Variants in ROBO2 observed in about 807,000 individuals in gnomAD.
ROBO2 encodes roundabout guidance receptor 2, also known as roundabout homolog 2.
A neutral mutation model predicts 160.8 loss-of-function variants in ROBO2; 53 were observed. That is an observed-to-expected ratio of 0.33 (90% confidence interval 0.26 to 0.41). The LOEUF is 0.41. ROBO2 is among the 10% of genes least tolerant of loss of function. The pLI is 1.00. For missense variants in ROBO2, 1,577 were observed against 1,722.4 expected (o/e 0.92, Z 1.49); for synonymous variants, 664 against 611.7 (o/e 1.09, Z -1.26).
chr3:77,213,521 A>T (rs539724217), intron 2 of ROBO2, among the ~76,000 whole-genome samples: 1 of 152,208 alleles, frequency 6.6e-6, no homozygotes, highest in African/African-American at 2.4e-5. Context: ...GATTATTTCA[A>T]AAAACCAACT....
chr3:77,314,442 TTTGTC>T (rs1157876448), intron 2 of ROBO2, among the ~76,000 whole-genome samples: 1 of 152,218 alleles, frequency 6.6e-6, no homozygotes, highest in Non-Finnish European at 1.5e-5. Flanking sequence ...TTTAAGGTGT[TTTGTC>T]TTAAGTCAAA....
intron 2 of ROBO2, among the ~76,000 whole-genome samples, chr3:76,592,099 T>TA (rs757120903): frequency 2.1e-4 from 32 of 151,044 alleles, no homozygotes; most frequent in Non-Finnish European, 3.4e-4. Flanking sequence ...AAATTTCTGT[T>TA]AAAAAAAAAG....
intron 13 of ROBO2, among the ~76,000 whole-genome samples, chr3:77,568,901 G>A (rs1006448833): frequency 7.9e-5 from 12 of 151,890 alleles, no homozygotes; most frequent in African/African-American, 2.9e-4. Flanking sequence ...GAGTACAATT[G>A]TGCAATATGT....
At chr3:77,477,721 T>C (rs910567941) in intron 3 of ROBO2, 150 bp downstream of exon 3, 4 of 851,768 alleles carry the variant, frequency 4.7e-6, no homozygotes, top group Non-Finnish European at 7.4e-6. Context: ...TAAAAACATT[T>C]GGATGAGACT....
At chr3:77,360,741 T>A (rs2069846863) in intron 2 of ROBO2, among the ~76,000 whole-genome samples, 1 of 152,078 alleles carries the variant, frequency 6.6e-6, no homozygotes, top group African/African-American at 2.4e-5. Context: ...ATTCCTCTCC[T>A]CTCTGACTTT....
chr3:77,370,327 A>C (rs981936565), intron 2 of ROBO2, among the ~76,000 whole-genome samples: 4 of 152,214 alleles, frequency 2.6e-5, no homozygotes, highest in African/African-American at 7.2e-5. Flanking sequence ...CTCACCTTAC[A>C]TTGGAGTCTC....
chr3:76,538,146 A>C (rs2082614402), intron 2 of ROBO2, among the ~76,000 whole-genome samples: 1 of 121,638 alleles, frequency 8.2e-6, no homozygotes, highest in East Asian at 2.1e-4. Context: ...GAGGCCTGAC[A>C]GAACTCACAC....
intron 2 of ROBO2, among the ~76,000 whole-genome samples, chr3:76,091,294 A>G (rs897374814): frequency 6.6e-6 from 1 of 152,234 alleles, no homozygotes; most frequent in Non-Finnish European, 1.5e-5. Context: ...ACCTCACTAA[A>G]GAAGATATAA....
intron 2 of ROBO2, among the ~76,000 whole-genome samples, chr3:77,311,719 ATC>A (rs2063555469): frequency 6.6e-6 from 1 of 152,154 alleles, no homozygotes; most frequent in Non-Finnish European, 1.5e-5. Context: ...TGGATCACTA[ATC>A]TCTTTTTCAT....
chr3:76,343,936 A>G (rs1231408096), intron 2 of ROBO2, among the ~76,000 whole-genome samples: 1 of 151,954 alleles, frequency 6.6e-6, no homozygotes, highest in Non-Finnish European at 1.5e-5. Context: ...GATTTTATAA[A>G]CCTGAGTAAA....
At chr3:75,978,771 T>C (rs778357448) in intron 2 of ROBO2, among the ~76,000 whole-genome samples, 65 of 151,544 alleles carry the variant, frequency 4.3e-4, no homozygotes, top group Non-Finnish European at 1.6e-4. Flanking sequence ...CACAGTTATT[T>C]ATACCAGTAA....
At chr3:76,256,012 C>T (rs957283550) in intron 2 of ROBO2, among the ~76,000 whole-genome samples, 10 of 151,990 alleles carry the variant, frequency 6.6e-5, no homozygotes, top group Non-Finnish European at 1.2e-4. Flanking sequence ...AAAAGACTTA[C>T]CCTGAGCCAG....
chr3:76,994,637 T>C (rs535718613), intron 2 of ROBO2, among the ~76,000 whole-genome samples: 2 of 152,288 alleles, frequency 1.3e-5, no homozygotes, highest in Admixed American at 6.5e-5. Flanking sequence ...CATATTATGC[T>C]CCAGATAGTG....
Position 76,013,667 on chromosome 3 carries a change from G to A in ROBO2, c.109+76065G>A, listed in dbSNP as rs146583112. 5.1e-4 allele frequency among the ~76,000 whole-genome samples: 77 copies of A among 151,726 alleles called. 1 individual carries two copies. The highest frequency in any genetic ancestry group is 1.8e-3 in the African/African-American group (75 of 41,348). ...GCGCCTGATGTGTATAATCCCAGAAGTAATATGTATAAAGGCAATTGGCGG... is the reference window on the plus strand; with the variant it reads ...GCGCCTGATGTGTATAATCCCAGAAATAATATGTATAAAGGCAATTGGCGG... On this transcript the variant is annotated intron_variant, in intron 2 of 26. Transcript: ENST00000487694.
intron 2 of ROBO2, among the ~76,000 whole-genome samples, chr3:76,023,939 C>G (rs560859879): frequency 6.6e-6 from 1 of 151,468 alleles, no homozygotes; most frequent in Admixed American, 6.6e-5. Context: ...CAAATCAAAT[C>G]TCTCTGATGC....
At chr3:76,151,961 A>G (rs1053250400) in intron 2 of ROBO2, among the ~76,000 whole-genome samples, 3 of 152,222 alleles carry the variant, frequency 2.0e-5, no homozygotes, top group Non-Finnish European at 2.9e-5. Context: ...GTCTCACTAG[A>G]CATAAAATAC....
At chr3:77,024,714 T>G (rs548086701) in intron 2 of ROBO2, among the ~76,000 whole-genome samples, 3 of 152,220 alleles carry the variant, frequency 2.0e-5, no homozygotes, top group Non-Finnish European at 2.9e-5. Flanking sequence ...ATAAACCAAA[T>G]GAAGAGAGAA....
chr3:76,261,751 A>G (rs1384291754), intron 2 of ROBO2, among the ~76,000 whole-genome samples: 1 of 152,120 alleles, frequency 6.6e-6, no homozygotes, highest in Non-Finnish European at 1.5e-5. Context: ...TGTATGTATT[A>G]GAATGTATTT....
intron 19 of ROBO2, among the ~76,000 whole-genome samples, chr3:77,597,010 G>A (rs147505208): frequency 6.6e-6 from 1 of 152,012 alleles, no homozygotes; most frequent in East Asian, 1.9e-4. Flanking sequence ...TAATATATAT[G>A]CTTTCAGGAT....
Sources: gnomAD v4.1 joint callset for allele counts (sites outside exome capture counted in the v4.1 genomes callset) on GRCh38, gnomAD v4.1.1 for gene constraint, MANE v1.5 for transcripts, NCBI Gene and HGNC (gene_info 2026-07-23, HGNC 2026-07-21) for gene names.